The following PPP1R10 variants were observed in gnomAD, a reference collection of about 807,000 sequenced individuals.
The protein encoded by PPP1R10 is protein phosphatase 1 regulatory subunit 10.
In PPP1R10, 15 loss-of-function variants were observed where a neutral mutation model predicts 99.0. That is an observed-to-expected ratio of 0.15 (90% CI 0.10 to 0.23). PPP1R10 has a LOEUF of 0.23. PPP1R10 is among the 10% of genes least tolerant of loss of function. The probability of loss-of-function intolerance (pLI) is 1.00; values close to 1 mark genes in which losing one functional copy is unlikely to be tolerated. For missense variants in PPP1R10, 947 were observed against 1,259.4 expected (o/e 0.75, Z 3.75); for synonymous variants, 430 against 449.5 (o/e 0.96, Z 0.55).
chr6:30,601,783 G>T, intron 19 of PPP1R10, 125 bp from the exon 20 acceptor site: 1 of 1,306,576 alleles, frequency 7.7e-7, no homozygotes, highest in Non-Finnish European at 1.1e-6. Flanking sequence ...TTGGGGGAAG[G>T]GCATAGAGTA....
Position 30,603,638 on chromosome 6 carries a change from A to G in PPP1R10, c.1601T>C (p.Val534Ala). The change falls in exon 16 of 20, where the codon GTT becomes GCT. Residue 534 changes from valine to alanine, a missense_variant. Physicochemically the swap from Val to Ala is moderately conservative, Grantham distance 64 (BLOSUM62 0). This residue lies in a region of PPP1R10 where 525 missense variants were observed against 578.8 expected (regional missense o/e 0.91). Coordinates refer to ENST00000376511, the MANE Select transcript of PPP1R10 (RefSeq NM_002714.4). ...EECSMDETPY[V>A]ETLEPGGSGG... ...TGACCCCCCAGGTTCCAGAGTCTCA[A>G]CATACGGAGTCTCATCCATGGAACA... 1 of 1,610,454 alleles carries G rather than the reference A, an allele frequency of 6.2e-7. No individual in the cohort carries two copies. Among genetic ancestry groups the G allele is most frequent in the Non-Finnish European group, 8.5e-7 (1 of 1,178,780 alleles).
At chr6:30,614,276 A>T (rs920333813) in intron 2 of PPP1R10, among the ~76,000 whole-genome samples, 1 of 152,138 alleles carries the variant, frequency 6.6e-6, no homozygotes, top group South Asian at 2.1e-4. Context: ...GGAAAAAGAA[A>T]TTCAAAAAAG....
Position 30,617,215 on chromosome 6 carries a change from C to G in PPP1R10, c.-533+9G>C, listed in dbSNP as rs998674893. 6.5e-6 allele frequency: 1 copy of G among 153,432 alleles called. No homozygotes were observed. The highest frequency in any genetic ancestry group is 1.5e-5 in the Non-Finnish European group (1 of 68,488). The allele number at this position is 153,432 out of a possible 1,614,324, so 9.5% of individuals were successfully genotyped here. ...TTTACCCACTAGACGACAAAGTAGGCAAACTTACCTCTAAACGAACCCCAG... is the reference window on the plus strand; with the variant it reads ...TTTACCCACTAGACGACAAAGTAGGGAAACTTACCTCTAAACGAACCCCAG... On this transcript the variant is annotated intron_variant, in intron 1 of 19. Transcript: ENST00000376511.
At chr6:30,607,788 T>G in intron 6 of PPP1R10, 52 bp downstream of exon 6, 1 of 1,546,874 alleles carries the variant, frequency 6.5e-7, no homozygotes, top group African/African-American at 1.4e-5. Flanking sequence ...TTAAGGTAAT[T>G]AAGTGGAAGT....
intron 19 of PPP1R10, 77 bp from the exon 20 acceptor site, chr6:30,601,735 C>T: frequency 1.4e-6 from 2 of 1,417,414 alleles, no homozygotes; most frequent in Non-Finnish European, 9.8e-7. Flanking sequence ...TTGTCCATGA[C>T]ATCCTGAGAA....
Position 30,604,901 on chromosome 6 carries a change from G to T in PPP1R10, c.954+93C>A. ...CTATATCCAAGGCAAAACGCCTCTT[G>T]TTGTCCTCCCCGACAACTCCTAGCT... On this transcript the variant is annotated intron_variant, in intron 11 of 19. Transcript: ENST00000376511. This position sits in a 1 kb window ranked among gnomAD's most constrained non-coding sequence, Gnocchi z 7.3. The T allele has an allele frequency of 6.6e-7, 1 of 1,517,718 alleles. No homozygotes were observed. Among genetic ancestry groups the T allele is most frequent in the Non-Finnish European group, 9.1e-7 (1 of 1,094,710 alleles). 94.0% of individuals were successfully genotyped at this position (1,517,718 alleles called of 1,614,324 possible).
Position 30,602,864 on chromosome 6 carries a change from G to A in PPP1R10, c.1939C>T (p.Pro647Ser), listed in dbSNP as rs1407693908. ...CACCTACCTGGCATAGGTCCCCCAG[G>A]TCCAGGGGGAAAGTGCTGCATGCCC... The part of the protein sequence containing the change: ...PKGMQHFPPG[P>S]GGPMPGPHGG... Residue 647 changes from proline to serine, a missense_variant, in exon 18 of 20, where the codon CCT becomes TCT. Around this residue, in one of 10 missense-constraint regions of PPP1R10, gnomAD observed 525 missense variants for 578.8 expected, o/e 0.91. Coordinates refer to ENST00000376511, the MANE Select transcript of PPP1R10 (RefSeq NM_002714.4). This position sits in a 1 kb window ranked among gnomAD's most constrained non-coding sequence, Gnocchi z 6.7. The A allele has an allele frequency of 5.8e-6, 9 of 1,555,422 alleles. No homozygotes were observed. The East Asian group carries it at 2.2e-4, about 38-fold the overall frequency.
intron 2 of PPP1R10, among the ~76,000 whole-genome samples, chr6:30,612,333 AAT>A (rs1290050975): frequency 6.6e-6 from 1 of 152,152 alleles, no homozygotes; most frequent in Non-Finnish European, 1.5e-5. Flanking sequence ...TCAGACACTA[AAT>A]AAACTGTCAT....
At position 30,616,697 on chromosome 6, in the gene PPP1R10, T is replaced by C. The variant is rs951535014; in HGVS notation, c.-231A>G. ...GGGGGTCGCAGAAAAAAGTTCTGAG[T>C]GGATTCAAAAAAGTAAACGCTGGAT... On this transcript the variant is annotated 5_prime_UTR_variant, in exon 2 of 20. Coordinates refer to ENST00000376511, the MANE Select transcript of PPP1R10 (RefSeq NM_002714.4). The C allele has an allele frequency of 2.6e-5, 4 of 151,840 alleles. No homozygotes were observed. The highest frequency in any genetic ancestry group is 4.4e-5 in the Non-Finnish European group (3 of 67,966). 9.4% of individuals were successfully genotyped at this position (151,840 alleles called of 1,614,324 possible). A position where few individuals can be genotyped will look rare whatever the true frequency, so the allele number is the denominator to read the frequency against.
chr6:30,615,229 TA>T (rs5875265), intron 2 of PPP1R10, among the ~76,000 whole-genome samples: 4,348 of 109,704 alleles, frequency 0.04, 68 homozygotes, highest in South Asian at 0.072. Context: ...ACCTTTTTAG[TA>T]AAAAAAAAAA....
chr6:30,602,438 T>G lies in PPP1R10; in HGVS notation c.2211A>C (p.Gly737=). The G allele has an allele frequency of 1.9e-6, 3 of 1,604,760 alleles. No individual in the cohort carries two copies. The highest frequency in any genetic ancestry group is 2.6e-6 in the Non-Finnish European group (3 of 1,174,862). The part of the protein sequence containing the change: ...GGRSGGGPPN[G]RGGPGGGMVG... ...CCATGCCCCCACCAGGGCCCCCTCGTCCATTTGGGGGTCCTCCTCCAGAGC... is the reference window on the plus strand; with the variant it reads ...CCATGCCCCCACCAGGGCCCCCTCGGCCATTTGGGGGTCCTCCTCCAGAGC... The change falls in exon 19 of 20, where the codon GGA becomes GGC. Residue 737 remains glycine, a synonymous_variant. Transcript: ENST00000376511. This position sits in a 1 kb window ranked among gnomAD's most constrained non-coding sequence, Gnocchi z 6.7.
intron 17 of PPP1R10, 111 bp from the exon 18 acceptor site, chr6:30,603,070 T>C: frequency 1.5e-6 from 2 of 1,377,662 alleles, no homozygotes; most frequent in African/African-American, 1.4e-5. Flanking sequence ...AGAGCAATGC[T>C]CTCTCTGTCC....
In PPP1R10 at chr6:30,604,163, G is replaced by A; in HGVS notation, c.1353C>T (p.Ser451=). ...GCACCTTCTCCTCCATGTTATCATG[G>A]CTCAGACGCCGCGCTGTCTCAAATG... ...RHAFETARRL[S]HDNMEEKVPW... The change falls in exon 14 of 20, where the codon AGC becomes AGT. Residue 451 remains serine, a synonymous_variant. Transcript: ENST00000376511. This position sits in a 1 kb window ranked among gnomAD's most constrained non-coding sequence, Gnocchi z 7.3. The A allele has an allele frequency of 6.2e-7, 1 of 1,614,138 alleles. No individual in the cohort carries two copies. Among genetic ancestry groups the A allele is most frequent in the Non-Finnish European group, 8.5e-7 (1 of 1,180,028 alleles).
intron 2 of PPP1R10, among the ~76,000 whole-genome samples, chr6:30,614,808 A>G (rs779518223): frequency 1.3e-5 from 2 of 152,188 alleles, no homozygotes; most frequent in Non-Finnish European, 2.9e-5. Flanking sequence ...AGCAGTTGTG[A>G]TGAGTGAAGG....
Position 30,606,845 on chromosome 6 carries a change from A to G in PPP1R10, c.394T>C (p.Leu132=), listed in dbSNP as rs1561839751. 7 of 1,613,822 alleles carry G rather than the reference A, an allele frequency of 4.3e-6. No homozygotes were observed. The highest frequency in any genetic ancestry group is 2.2e-5 in the South Asian group (2 of 91,084). Residue 132 remains leucine, a synonymous_variant, in exon 7 of 20, where the codon TTG becomes CTG. Coordinates refer to ENST00000376511, the MANE Select transcript of PPP1R10 (RefSeq NM_002714.4). The surrounding 1 kb of genome is among the most constrained non-coding windows in gnomAD (Gnocchi z 6.3). ...KSSEDEELRK[L]ASVLVSDWMA... ...CAGTCGCTGACAAGGACTGAGGCCA[A>G]TTTCCGGAGCTCTGCAGGTGACAGA...
intron 2 of PPP1R10, among the ~76,000 whole-genome samples, chr6:30,615,755 A>G (rs759402039): frequency 6.6e-6 from 1 of 152,106 alleles, no homozygotes; most frequent in African/African-American, 2.4e-5. Flanking sequence ...ATACCTATGC[A>G]ATCTGCAACA....
chr6:30,612,771 C>T (rs530624011), intron 2 of PPP1R10, among the ~76,000 whole-genome samples: 77 of 152,052 alleles, frequency 5.1e-4, no homozygotes, highest in Non-Finnish European at 9.8e-4. Context: ...TTCCAAGGCG[C>T]TCAAGTGGAA....
intron 2 of PPP1R10, among the ~76,000 whole-genome samples, chr6:30,615,921 G>C (rs989505842): frequency 2.0e-5 from 3 of 152,042 alleles, no homozygotes; most frequent in Non-Finnish European, 2.9e-5. Context: ...AAATTGAGAG[G>C]ATTTAACAGT....
chr6:30,606,686 C>T lies in PPP1R10; in HGVS notation c.461-45G>A. ...CAGAAAAGGATTTTATTTAGATGAACACTGTCAGAGGTGAAGCAGACTGGG... is the reference window on the plus strand; with the variant it reads ...CAGAAAAGGATTTTATTTAGATGAATACTGTCAGAGGTGAAGCAGACTGGG... On this transcript the variant is annotated intron_variant, in intron 7 of 19. Coordinates refer to ENST00000376511, the MANE Select transcript of PPP1R10 (RefSeq NM_002714.4). This position sits in a 1 kb window ranked among gnomAD's most constrained non-coding sequence, Gnocchi z 6.3. 1 of 1,613,254 alleles carries T rather than the reference C, an allele frequency of 6.2e-7. No homozygotes were observed. The highest frequency in any genetic ancestry group is 1.1e-5 in the South Asian group (1 of 91,056).
Sources: gnomAD v4.1 joint callset for allele counts (sites outside exome capture counted in the v4.1 genomes callset) on GRCh38, gnomAD v4.1.1 for gene constraint, gnomAD v4.1.1 regional missense constraint, Gnocchi (gnomAD v3.1) non-coding constraint, MANE v1.5 for transcripts, NCBI Gene and HGNC (gene_info 2026-07-23, HGNC 2026-07-21) for gene names.